The following NLN variants were observed in gnomAD, a reference collection of about 807,000 sequenced individuals.
NLN encodes neurolysin.
NLN carries 64 observed loss-of-function variants against 79.9 expected under a neutral mutation model. The ratio of observed to expected loss-of-function variants is 0.80; its 90% CI spans 0.65 to 0.99. The LOEUF is 0.99. Ranked by LOEUF, NLN falls within the 50% of genes least tolerant of loss-of-function variation. The pLI, the probability that NLN is intolerant of heterozygous loss-of-function variation, is 0.00. For missense variants in NLN, 835 were observed against 858.7 expected (o/e 0.97, Z 0.34); for synonymous variants, 267 against 296.6 (o/e 0.90, Z 1.02).
intron 6 of NLN, among the ~76,000 whole-genome samples, chr5:65,783,835 T>A (rs965282054): frequency 6.6e-6 from 1 of 152,142 alleles, no homozygotes; most frequent in Non-Finnish European, 1.5e-5. Context: ...CTAATTAAAC[T>A]ATTTAATTTT....
chr5:65,729,106 A>C (rs1334923060), intron 1 of NLN, among the ~76,000 whole-genome samples: 1 of 152,190 alleles, frequency 6.6e-6, no homozygotes, highest in Non-Finnish European at 1.5e-5. Flanking sequence ...AACCTTCCAG[A>C]GTGCTGGGAT....
intron 1 of NLN, among the ~76,000 whole-genome samples, chr5:65,744,472 C>CTTTTT (rs199944194): frequency 7.2e-6 from 1 of 139,594 alleles, no homozygotes. Context: ...TCTCTCTCCC[C>CTTTTT]TTTTTTTTTT....
chr5:65,725,746 G>A (rs528184440), intron 1 of NLN, among the ~76,000 whole-genome samples: 1 of 152,246 alleles, frequency 6.6e-6, no homozygotes, highest in African/African-American at 2.4e-5. Context: ...TTACATTTTT[G>A]ACAGAATTTC....
intron 12 of NLN, among the ~76,000 whole-genome samples, chr5:65,814,921 A>T (rs929260982): frequency 3.3e-5 from 5 of 152,032 alleles, no homozygotes; most frequent in South Asian, 2.1e-4. Context: ...AGTGTGTTTT[A>T]AAAAAAAGTA....
At chr5:65,765,804 C>G (rs539447334) in intron 3 of NLN, among the ~76,000 whole-genome samples, 9 of 152,146 alleles carry the variant, frequency 5.9e-5, no homozygotes, top group East Asian at 1.9e-4. Flanking sequence ...CAGGCCTGCT[C>G]TACTAAAATT....
rs2150780897 is a variant in NLN at position 65,823,981 on chromosome 5, C to A, written c.*1066C>A. 6.6e-6 allele frequency: 1 copy of A among 152,256 alleles called. No individual in the cohort carries two copies. Among genetic ancestry groups the A allele is most frequent in the East Asian group, 1.9e-4 (1 of 5,182 alleles). The allele number at this position is 152,256 out of a possible 1,614,324, so 9.4% of individuals were successfully genotyped here. On this transcript the variant is annotated 3_prime_UTR_variant, in exon 13 of 13. Transcript: ENST00000380985. ...CCACGGGGAAGAGACTCTTCAGTAG[C>A]CTGTTCTGTCTGGTGATTTTTATTT...
chr5:65,785,819 G>A lies in NLN; in HGVS notation c.867G>A (p.Lys289=). The change falls in exon 7 of 13, where the codon AAG becomes AAA. Residue 289 remains lysine, a synonymous_variant. Transcript: ENST00000380985. ...ILQQLLPLRT[K]VAKLLGYSTH... ...AGCAGCTACTCCCACTGCGAACCAA[G>A]GTGGCCAAACTACTCGGTTATAGCA... 3.1e-6 allele frequency: 5 copies of A among 1,613,812 alleles called. No homozygotes were observed. Among genetic ancestry groups the A allele is most frequent in the Non-Finnish European group, 4.2e-6 (5 of 1,179,796 alleles).
intron 1 of NLN, among the ~76,000 whole-genome samples, chr5:65,729,460 C>T (rs529128006): frequency 1.3e-5 from 2 of 149,986 alleles, no homozygotes; most frequent in East Asian, 3.9e-4. Context: ...CTGCAACCTC[C>T]GCCTCCTGGG....
intron 3 of NLN, among the ~76,000 whole-genome samples, chr5:65,776,114 G>A (rs942724689): frequency 2.0e-5 from 3 of 152,090 alleles, no homozygotes; most frequent in Admixed American, 6.5e-5. Flanking sequence ...TTAGCTGGAC[G>A]TGGTGGCACA....
intron 4 of NLN, among the ~76,000 whole-genome samples, chr5:65,778,971 G>T (rs866466434): frequency 1.3e-5 from 2 of 152,120 alleles, no homozygotes; most frequent in African/African-American, 4.8e-5. Flanking sequence ...GGGGTGGAAG[G>T]ATGGCCCAAC....
chr5:65,810,010 C>T, intron 10 of NLN, 27 bp from the exon 11 acceptor site: 6 of 1,610,646 alleles, frequency 3.7e-6, no homozygotes, highest in Non-Finnish European at 5.1e-6. Flanking sequence ...TTCTTCAAAA[C>T]ATGCCCAAAC....
At position 65,767,082 on chromosome 5, in the gene NLN, C is replaced by G. The variant is rs2066816066; in HGVS notation, c.450+3974C>G. The stretch of plus-strand genomic sequence containing the variant: ...GGTGCAAGCTGTCATGTGGATCTAC[C>G]ATTCTGGAGTCTGGAGGGCAGTAGC... On this transcript the variant is annotated intron_variant, in intron 3 of 12. Transcript: ENST00000380985. Among the ~76,000 whole-genome samples, 3 of 152,178 alleles carry G rather than the reference C, an allele frequency of 2.0e-5. No individual in the cohort carries two copies. In the South Asian group the frequency reaches 6.2e-4, roughly 32 times the overall value.
chr5:65,726,251 T>G (rs1008587823), intron 1 of NLN, among the ~76,000 whole-genome samples: 10 of 152,218 alleles, frequency 6.6e-5, no homozygotes, highest in Non-Finnish European at 4.4e-5. Flanking sequence ...CAGAAATGCT[T>G]TGTGTGTACT....
chr5:65,774,399 G>C (rs1759635332), intron 3 of NLN, among the ~76,000 whole-genome samples: 1 of 152,160 alleles, frequency 6.6e-6, no homozygotes, highest in Admixed American at 6.5e-5. Context: ...AGAAATTTTT[G>C]TTAGGAAGGA....
rs753569892 is a variant in NLN at position 65,788,484 on chromosome 5, G to A, written c.1325G>A (p.Arg442Lys). 3.1e-6 allele frequency: 5 copies of A among 1,609,772 alleles called. No individual in the cohort carries two copies. Among genetic ancestry groups the A allele is most frequent in the Non-Finnish European group, 4.2e-6 (5 of 1,176,728 alleles). ...LGQFYLDLYP[R>K]EGKYNHAACF... ...CAGTTCTATTTGGACCTCTATCCAA[G>A]GTACTGAGGATCACGTTGTTGGAAG... Residue 442 changes from arginine to lysine, a missense_variant and splice_region_variant, in exon 8 of 13, where the codon AGG (arginine) becomes AAG (lysine). By Grantham distance (26) the Arg-to-Lys change is conservative. Coordinates refer to ENST00000380985, the MANE Select transcript of NLN (RefSeq NM_020726.5).
chr5:65,779,210 C>T (rs252649), intron 4 of NLN, among the ~76,000 whole-genome samples: 141,992 of 152,242 alleles, frequency 0.93, 66,320 homozygotes, highest in African/African-American at 0.98. Context: ...GTTTGCACTT[C>T]AGTAGGTTTA....
chr5:65,768,081 G>A (rs1320991591), intron 3 of NLN, among the ~76,000 whole-genome samples: 1 of 152,106 alleles, frequency 6.6e-6, no homozygotes, highest in Non-Finnish European at 1.5e-5. Context: ...CTTCTTCTGA[G>A]CCCTCCAAAC....
chr5:65,754,924 A>G (rs1044032134), intron 1 of NLN, among the ~76,000 whole-genome samples: 5 of 152,184 alleles, frequency 3.3e-5, no homozygotes, highest in African/African-American at 9.7e-5. Flanking sequence ...GGGATCCACC[A>G]TCAACCTGCT....
intron 1 of NLN, among the ~76,000 whole-genome samples, chr5:65,731,014 G>A (rs759770319): frequency 2.0e-5 from 3 of 152,244 alleles, no homozygotes; most frequent in Admixed American, 6.5e-5. Context: ...TGGCTGGGCA[G>A]TTTTTCTGAT....
Sources: allele counts gnomAD v4.1 joint callset (sites outside exome capture counted in the v4.1 genomes callset), GRCh38; gene constraint gnomAD v4.1.1; transcripts MANE v1.5; gene names NCBI Gene and HGNC (gene_info 2026-07-23, HGNC 2026-07-21).